Variants in ZNF10 observed in about 807,000 individuals in gnomAD.
ZNF10 encodes zinc finger protein 10, also known as zinc finger protein 10 (KOX 1).
A neutral mutation model predicts 12.2 loss-of-function variants in ZNF10; 8 were observed. That is an observed-to-expected ratio of 0.66 (90% CI 0.39 to 1.18). The LOEUF is 1.18. Among genes scored for constraint, ZNF10 ranks in the 50% most tolerant of loss-of-function variants. ZNF10 has a pLI of 0.01. For missense variants in ZNF10, 603 were observed against 678.9 expected, an observed-to-expected ratio of 0.89 and a Z score of 1.24; for synonymous variants, 229 against 228.2, an observed-to-expected ratio of 1.00 and a Z score of -0.03.
At chr12:133,149,919 C>T (rs963647297) in intron 2 of ZNF10, among the ~76,000 whole-genome samples, 1 of 152,042 alleles carries the variant, frequency 6.6e-6, no homozygotes, top group Non-Finnish European at 1.5e-5. Flanking sequence ...TTAGAATATA[C>T]ATATCTAATC....
intron 1 of ZNF10, among the ~76,000 whole-genome samples, chr12:133,138,041 G>A (rs1317579179): frequency 1.0e-5 from 1 of 96,602 alleles, no homozygotes. Context: ...ACCAGGTGGA[G>A]CTCTTAAAAA....
chr12:133,155,217 T>C (rs1356261334), intron 4 of ZNF10, among the ~76,000 whole-genome samples: 2 of 152,168 alleles, frequency 1.3e-5, no homozygotes, highest in African/African-American at 4.8e-5. Context: ...GCAGTCCTTT[T>C]TATGGAATTT....
chr12:133,142,636 C>T (rs552552405), intron 1 of ZNF10, among the ~76,000 whole-genome samples: 2 of 151,834 alleles, frequency 1.3e-5, no homozygotes, highest in South Asian at 4.2e-4. Context: ...GTAAAAACTA[C>T]AATGAGATGT....
intron 1 of ZNF10, among the ~76,000 whole-genome samples, chr12:133,135,776 C>A (rs1955907381): frequency 1.3e-5 from 2 of 152,260 alleles, no homozygotes; most frequent in African/African-American, 2.4e-5. Flanking sequence ...GGCATTCTTA[C>A]TTCTCTTGCT....
At chr12:133,143,388 C>G (rs1593841718) in intron 1 of ZNF10, 2 of 150,580 alleles carry the variant, frequency 1.3e-5, no homozygotes, top group Non-Finnish European at 3.0e-5. Flanking sequence ...TATACCAAAA[C>G]CCACTGAATA....
intron 2 of ZNF10, among the ~76,000 whole-genome samples, chr12:133,149,186 C>T (rs1056723105): frequency 1.7e-4 from 26 of 151,910 alleles, no homozygotes; most frequent in African/African-American, 5.8e-4. Context: ...GGCTCAAACT[C>T]CTGGACTCAA....
In ZNF10 at chr12:133,156,039, TATGA is replaced by T; in HGVS notation, c.797_800del (p.Glu266ValfsTer134). 6.2e-7 allele frequency: 1 copy of T among 1,613,646 alleles called. No individual in the cohort carries two copies. Among genetic ancestry groups the T allele is most frequent in the Non-Finnish European group, 8.5e-7 (1 of 1,179,976 alleles). On this transcript the variant is annotated frameshift_variant, in exon 5 of 5. Coordinates refer to ENST00000248211, the MANE Select transcript of ZNF10 (RefSeq NM_015394.5). LOFTEE classifies it low-confidence loss of function (END_TRUNC). ...AAAGGGCATACATAGAGAGAAACCC[TATGA>T]ATGTAAGGAATGTGGAAAATTCTTC... is the stretch of plus-strand genomic sequence containing the variant.
chr12:133,151,473 G>A (rs555706360), intron 3 of ZNF10, among the ~76,000 whole-genome samples: 10 of 151,994 alleles, frequency 6.6e-5, no homozygotes, highest in East Asian at 1.9e-4. Flanking sequence ...GTGAAACCCC[G>A]TCTCTACTAA....
intron 3 of ZNF10, 34 bp from the exon 4 acceptor site, chr12:133,151,775 T>C (rs1566349516): frequency 1.9e-6 from 3 of 1,587,146 alleles, no homozygotes. Context: ...CTCCCCTGAC[T>C]CTTACCCTGT....
chr12:133,137,495 C>T (rs970854374), intron 1 of ZNF10, among the ~76,000 whole-genome samples: 9 of 152,180 alleles, frequency 5.9e-5, no homozygotes, highest in South Asian at 2.1e-4. Context: ...CCTTTGCTCA[C>T]GATGTTCCCC....
chr12:133,133,513 T>G (rs1955892515), intron 1 of ZNF10, among the ~76,000 whole-genome samples: 1 of 152,158 alleles, frequency 6.6e-6, no homozygotes, highest in Non-Finnish European at 1.5e-5. Flanking sequence ...GACAGACAAA[T>G]CTTGGTACCG....
At chr12:133,136,913 C>CAGGCTGT (rs1357713946) in intron 1 of ZNF10, among the ~76,000 whole-genome samples, 1 of 152,186 alleles carries the variant, frequency 6.6e-6, no homozygotes, top group East Asian at 1.9e-4. Flanking sequence ...ATAACCCTCA[C>CAGGCTGT]ATTTAAATAC....
intron 2 of ZNF10, among the ~76,000 whole-genome samples, chr12:133,145,433 A>G (rs1804348796): frequency 1.3e-5 from 2 of 152,182 alleles, no homozygotes; most frequent in African/African-American, 4.8e-5. Context: ...GTTAGTGTGT[A>G]TAATACTATG....
Position 133,155,718 on chromosome 12 carries a change from C to T in ZNF10, c.472C>T (p.Leu158Phe), listed in dbSNP as rs1377967080. 6.2e-7 allele frequency: 1 copy of T among 1,611,864 alleles called. No individual in the cohort carries two copies. The change falls in exon 5 of 5, where the codon CTT becomes TTT. Residue 158 changes from leucine to phenylalanine, a missense_variant. Transcript: ENST00000248211. ...RQVAFTQKKV[L>F]TQERVSESGK... is the part of the protein sequence containing the mutation. ...AGTGGCATTCACCCAAAAGAAAGTA[C>T]TTACTCAGGAGAGAGTCTCTGAAAG...
intron 1 of ZNF10, among the ~76,000 whole-genome samples, chr12:133,133,541 G>C (rs1018538410): frequency 6.6e-6 from 1 of 152,236 alleles, no homozygotes; most frequent in Non-Finnish European, 1.5e-5. Flanking sequence ...GCGTTGAAGT[G>C]CTGGAATAGG....
intron 1 of ZNF10, among the ~76,000 whole-genome samples, chr12:133,135,319 A>G (rs1322050999): frequency 6.6e-6 from 1 of 152,178 alleles, no homozygotes; most frequent in African/African-American, 2.4e-5. Flanking sequence ...CAAACTCTGC[A>G]CTGTGAGCTG....
intron 1 of ZNF10, among the ~76,000 whole-genome samples, chr12:133,143,270 GT>G (rs1195140634): frequency 6.6e-6 from 1 of 151,852 alleles, no homozygotes; most frequent in Non-Finnish European, 1.5e-5. Context: ...AGTGGTGATG[GT>G]TGTACCACAC....
chr12:133,138,189 TGA>T (rs1955923860), intron 1 of ZNF10, among the ~76,000 whole-genome samples: 1 of 152,128 alleles, frequency 6.6e-6, no homozygotes, highest in Non-Finnish European at 1.5e-5. Flanking sequence ...GATAAAGGTT[TGA>T]GTGAGTTATC....
At position 133,151,830 on chromosome 12, in the gene ZNF10, A is replaced by T. The variant is rs1026561918; in HGVS notation, c.182A>T (p.Asp61Val). 6.2e-7 allele frequency: 1 copy of T among 1,613,212 alleles called. No individual in the cohort carries two copies. Among genetic ancestry groups the T allele is most frequent in the Non-Finnish European group, 8.5e-7 (1 of 1,179,526 alleles). The stretch of plus-strand genomic sequence containing the variant: ...ACAGGTTATCAGCTTACTAAGCCAG[A>T]TGTGATCCTCCGGTTGGAGAAGGGA... ...VSLGYQLTKP[D>V]VILRLEKGEE... Residue 61 changes from aspartate (D) to valine (V), a missense_variant, in exon 4 of 5, where the codon GAT (aspartate) becomes GTT (valine). Asp to Val is a radical substitution (Grantham distance 152). Around this residue, in one of 3 missense-constraint regions of ZNF10, gnomAD observed 393 missense variants for 399.7 expected, o/e 0.98. Coordinates refer to ENST00000248211, the MANE Select transcript of ZNF10 (RefSeq NM_015394.5).
Sources: allele counts gnomAD v4.1 joint callset (sites outside exome capture counted in the v4.1 genomes callset), GRCh38; gene constraint gnomAD v4.1.1; regional missense constraint gnomAD v4.1.1; transcripts MANE v1.5; gene names NCBI Gene and HGNC (gene_info 2026-07-23, HGNC 2026-07-21).